NBEAL1: variants seen among roughly 807,000 people sequenced by gnomAD.
NBEAL1 encodes neurobeachin-like protein 1.
A neutral mutation model predicts 351.3 loss-of-function variants in NBEAL1; 273 were observed. The ratio of observed to expected loss-of-function variants is 0.78; its 90% CI spans 0.70 to 0.86. The LOEUF is 0.86. Ranked by LOEUF, NBEAL1 falls within the 40% of genes least tolerant of loss-of-function variation. The probability of loss-of-function intolerance (pLI) is 0.00; values close to 1 mark genes in which losing one functional copy is unlikely to be tolerated. For missense variants in NBEAL1, 2,961 were observed against 3,201.3 expected, an observed-to-expected ratio of 0.92 and a Z score of 1.81; for synonymous variants, 1,050 against 1,086.4, an observed-to-expected ratio of 0.97 and a Z score of 0.66.
At chr2:203,128,848 G>A (rs886394572) in intron 24 of NBEAL1, among the ~76,000 whole-genome samples, 6 of 151,924 alleles carry the variant, frequency 3.9e-5, no homozygotes, top group African/African-American at 9.7e-5. Flanking sequence ...CGCCCGCCTC[G>A]GCCTCCCAAA....
chr2:203,088,503 G>T (rs1002943305), intron 10 of NBEAL1, among the ~76,000 whole-genome samples: 1 of 152,124 alleles, frequency 6.6e-6, no homozygotes, highest in Non-Finnish European at 1.5e-5. Context: ...GAACACACAG[G>T]TACCCTCGCT....
At chr2:203,074,605 G>T (rs1169606242) in intron 7 of NBEAL1, 1 of 152,260 alleles carries the variant, frequency 6.6e-6, no homozygotes, top group East Asian at 1.9e-4. Context: ...TAGGATTACA[G>T]GCATGAGCCT....
chr2:203,017,573 A>G (rs1209207971), intron 2 of NBEAL1, among the ~76,000 whole-genome samples: 1 of 152,194 alleles, frequency 6.6e-6, no homozygotes, highest in African/African-American at 2.4e-5. Context: ...GAAAATAGTC[A>G]CTAACACGTT....
In NBEAL1 at chr2:203,131,222, G is replaced by A. The variant is rs150908697; in HGVS notation, c.3564+746G>A. 1.9e-3 allele frequency among the ~76,000 whole-genome samples: 293 copies of A among 152,152 alleles called. 1 individual carries two copies. The highest frequency in any genetic ancestry group is 3.6e-3 in the Non-Finnish European group (243 of 67,968). On this transcript the variant is annotated intron_variant, in intron 25 of 55. Transcript: ENST00000683969. ...TCCAGTTTATTCTTTTTTAAAATTT[G>A]TTTATTTTTTTGAGACGGAGTCTCG...
chr2:203,026,937 C>A (rs2060868587), intron 2 of NBEAL1, among the ~76,000 whole-genome samples: 1 of 152,152 alleles, frequency 6.6e-6, no homozygotes. Flanking sequence ...GCTTCTAGGT[C>A]AAAGTTTAAT....
intron 10 of NBEAL1, among the ~76,000 whole-genome samples, chr2:203,096,871 T>G (rs960149251): frequency 6.6e-6 from 1 of 152,236 alleles, no homozygotes; most frequent in Non-Finnish European, 1.5e-5. Flanking sequence ...AGAACCATAC[T>G]GGGTGTTACG....
Position 203,183,299 on chromosome 2 carries a change from C to T in NBEAL1, c.6616C>T (p.Gln2206Ter). 6.3e-7 allele frequency: 1 copy of T among 1,586,096 alleles called. No individual in the cohort carries two copies. The highest frequency in any genetic ancestry group is 8.6e-7 in the Non-Finnish European group (1 of 1,165,930). The change falls in exon 44 of 56, where the codon CAG (glutamine) becomes TAG (stop). Residue 2206 changes from glutamine to a stop codon, truncating the protein, a stop_gained. Coordinates refer to ENST00000683969, the MANE Select transcript of NBEAL1 (RefSeq NM_001378026.1). LOFTEE classifies it high-confidence loss of function. ...NQNQFNLGRL[Q>*]ISKELVNDVI... ...CTTAGAATTTAACTTGGGTCGTCTA[C>T]AGATTTCCAAAGAATTAGTAAATGA... is the stretch of plus-strand genomic sequence containing the variant.
chr2:203,114,047 C>T (rs529345518), intron 17 of NBEAL1, among the ~76,000 whole-genome samples: 15 of 152,246 alleles, frequency 9.9e-5, no homozygotes, highest in Admixed American at 4.6e-4. Context: ...TGGTCTCGAT[C>T]TCCTGACCTT....
At chr2:203,031,700 G>T in intron 2 of NBEAL1, among the ~76,000 whole-genome samples, 1 of 152,112 alleles carries the variant, frequency 6.6e-6, no homozygotes, top group Admixed American at 6.6e-5. Context: ...TGAAATGGGG[G>T]AAAAATTGGA....
rs1319746565 is a variant in NBEAL1, at chr2:203,209,141, C to T, written c.7624-20C>T. On this transcript the variant is annotated intron_variant, in intron 52 of 55. Coordinates refer to ENST00000683969, the MANE Select transcript of NBEAL1 (RefSeq NM_001378026.1). ...TCTTTTCCTTTGTCTTTTTCATTTTCTGATATATCCTGTGTGTAGGATGGA... is the reference window on the plus strand; with the variant it reads ...TCTTTTCCTTTGTCTTTTTCATTTTTTGATATATCCTGTGTGTAGGATGGA... The T allele has an allele frequency of 1.9e-6, 3 of 1,562,476 alleles. No homozygotes were observed. Among genetic ancestry groups the T allele is most frequent in the Middle Eastern group, 1.7e-4 (1 of 5,872 alleles).
intron 11 of NBEAL1, among the ~76,000 whole-genome samples, 189 bp from the exon 12 acceptor site, chr2:203,099,440 G>A (rs1165549981): frequency 6.6e-6 from 1 of 151,966 alleles, no homozygotes; most frequent in African/African-American, 2.4e-5. Flanking sequence ...TTGACATGTG[G>A]TTTATTTTTC....
intron 36 of NBEAL1, among the ~76,000 whole-genome samples, chr2:203,160,729 T>C (rs1369139104): frequency 1.3e-5 from 2 of 152,232 alleles, no homozygotes; most frequent in Non-Finnish European, 2.9e-5. Context: ...TTGTTTACTT[T>C]CCCGAACTAA....
intron 7 of NBEAL1, among the ~76,000 whole-genome samples, chr2:203,077,106 A>T (rs2061788372): frequency 6.6e-6 from 1 of 152,068 alleles, no homozygotes; most frequent in Non-Finnish European, 1.5e-5. Flanking sequence ...GACAAAGAAA[A>T]AGCAGCATAA....
chr2:203,209,313 C>T lies in NBEAL1; in HGVS notation c.7776C>T (p.Thr2592=), dbSNP rs2065705373. 3 of 1,613,116 alleles carry T rather than the reference C, an allele frequency of 1.9e-6. No individual in the cohort carries two copies. The Admixed American group carries it at 5.0e-5, about 27-fold the overall frequency. The change falls in exon 53 of 56, where the codon ACC becomes ACT. Residue 2592 remains threonine (T), a synonymous_variant. Coordinates refer to ENST00000683969, the MANE Select transcript of NBEAL1 (RefSeq NM_001378026.1). ...IVVYSSTEEK[T]TLKDKNALHL... is the part of the protein sequence containing the mutation. ...TCTACTCCAGCACTGAAGAAAAGACCACCCTCAAGGTATATGACCTTTCAT... is the reference window on the plus strand; with the variant it reads ...TCTACTCCAGCACTGAAGAAAAGACTACCCTCAAGGTATATGACCTTTCAT...
At chr2:203,073,810 C>T (rs1051953754) in intron 7 of NBEAL1, among the ~76,000 whole-genome samples, 1 of 152,050 alleles carries the variant, frequency 6.6e-6, no homozygotes, top group Non-Finnish European at 1.5e-5. Context: ...AGTGAAAGGT[C>T]AGTCTTTGAT....
intron 2 of NBEAL1, among the ~76,000 whole-genome samples, chr2:203,027,010 A>C (rs182359118): frequency 5.1e-4 from 77 of 152,222 alleles, no homozygotes; most frequent in Non-Finnish European, 8.2e-4. Context: ...ATTTCTTCTT[A>C]TTATTTTTAA....
chr2:203,020,209 T>G (rs926573483), intron 2 of NBEAL1, among the ~76,000 whole-genome samples: 1 of 152,208 alleles, frequency 6.6e-6, no homozygotes, highest in Non-Finnish European at 1.5e-5. Flanking sequence ...CACTTTCTCC[T>G]TCTAGGAATA....
intron 4 of NBEAL1, chr2:203,052,485 C>T (rs930640426): frequency 6.6e-6 from 1 of 152,258 alleles, no homozygotes; most frequent in African/African-American, 2.4e-5. Context: ...TAGAATCATA[C>T]AGAATGTAGC....
intron 41 of NBEAL1, among the ~76,000 whole-genome samples, chr2:203,173,830 C>T (rs1028457472): frequency 1.4e-4 from 21 of 151,986 alleles, no homozygotes; most frequent in Admixed American, 8.5e-4. Context: ...GACCTGAAAA[C>T]TTTTTTATTC....
Sources: gnomAD v4.1 joint callset for allele counts (sites outside exome capture counted in the v4.1 genomes callset) on GRCh38, gnomAD v4.1.1 for gene constraint, MANE v1.5 for transcripts, NCBI Gene and HGNC (gene_info 2026-07-23, HGNC 2026-07-21) for gene names.